ERBB4: variants seen among roughly 807,000 people sequenced by gnomAD.
ERBB4 encodes the protein erb-b2 receptor tyrosine kinase 4.
In ERBB4, 42 loss-of-function variants were observed where a neutral mutation model predicts 158.0. The observed-to-expected ratio is 0.27, with a 90% CI of 0.21 to 0.34. The LOEUF is 0.34. ERBB4 is among the 10% of genes least tolerant of loss of function. ERBB4 has a pLI of 1.00. For synonymous variants in ERBB4, 583 were observed against 558.7 expected (o/e 1.04, Z -0.61); for missense variants, 1,333 against 1,624.1 (o/e 0.82, Z 3.08).
At chr2:212,419,674 T>A (rs1293166080) in intron 1 of ERBB4, among the ~76,000 whole-genome samples, 3 of 151,908 alleles carry the variant, frequency 2.0e-5, no homozygotes, top group African/African-American at 4.8e-5. Context: ...CATTTAATAA[T>A]CATTTTGAGG....
chr2:211,776,219 T>A (rs1242075951), intron 4 of ERBB4, among the ~76,000 whole-genome samples: 1 of 151,988 alleles, frequency 6.6e-6, no homozygotes, highest in Admixed American at 6.6e-5. Flanking sequence ...TTAGATGGAG[T>A]TTTTTACAAC....
intron 1 of ERBB4, among the ~76,000 whole-genome samples, chr2:212,466,976 T>C (rs369029005): frequency 2.0e-5 from 3 of 146,848 alleles, no homozygotes; most frequent in Non-Finnish European, 4.6e-5. Flanking sequence ...GTGACTCTTG[T>C]TATGTTTTAG....
chr2:212,169,182 A>C (rs988341418), intron 1 of ERBB4, among the ~76,000 whole-genome samples: 2 of 152,114 alleles, frequency 1.3e-5, no homozygotes, highest in Non-Finnish European at 2.9e-5. Flanking sequence ...TATTCTATAG[A>C]AATGTTGGTA....
chr2:211,531,624 A>G (rs922164780), intron 20 of ERBB4, among the ~76,000 whole-genome samples: 1 of 152,158 alleles, frequency 6.6e-6, no homozygotes, highest in Non-Finnish European at 1.5e-5. Flanking sequence ...ATCTCACCCC[A>G]GTTAAAATGG....
In ERBB4 at chr2:211,855,791, A is replaced by G. The variant is rs562708020; in HGVS notation, c.422-67632T>C. ...TTCTGTTTGTCCTTGGGCCTTTGCAATCTTTAAGTTTATTTTCCTAGCCAG... is the reference window on the plus strand; with the variant it reads ...TTCTGTTTGTCCTTGGGCCTTTGCAGTCTTTAAGTTTATTTTCCTAGCCAG... On this transcript the variant is annotated intron_variant, in intron 3 of 27. Coordinates refer to ENST00000342788, the MANE Select transcript of ERBB4 (RefSeq NM_005235.3). 2.6e-5 allele frequency among the ~76,000 whole-genome samples: 4 copies of G among 152,254 alleles called. No individual in the cohort carries two copies. In the East Asian group the frequency reaches 5.8e-4, roughly 22 times the overall value.
At chr2:211,789,588 G>A (rs185879213) in intron 3 of ERBB4, among the ~76,000 whole-genome samples, 135 of 152,208 alleles carry the variant, frequency 8.9e-4, no homozygotes, top group African/African-American at 3.2e-3. Flanking sequence ...TATCTCTACC[G>A]CAAGAGAGAT....
intron 20 of ERBB4, among the ~76,000 whole-genome samples, chr2:211,458,547 G>A (rs147755365): frequency 0.017 from 2,517 of 152,184 alleles, 61 homozygotes; most frequent in African/African-American, 0.058. Flanking sequence ...TTACAGGCGC[G>A]ATCCACCACG....
At chr2:212,336,889 TA>T (rs1247945922) in intron 1 of ERBB4, among the ~76,000 whole-genome samples, 1 of 152,022 alleles carries the variant, frequency 6.6e-6, no homozygotes, top group African/African-American at 2.4e-5. Flanking sequence ...TAATAAAATA[TA>T]GATTTTGATT....
intron 20 of ERBB4, among the ~76,000 whole-genome samples, chr2:211,556,340 G>A (rs535839988): frequency 1.3e-5 from 2 of 152,152 alleles, no homozygotes; most frequent in African/African-American, 4.8e-5. Flanking sequence ...ATAATAGCGG[G>A]AAACTTCAAT....
chr2:211,759,643 A>T (rs2075361613), intron 4 of ERBB4, among the ~76,000 whole-genome samples: 1 of 152,126 alleles, frequency 6.6e-6, no homozygotes, highest in Non-Finnish European at 1.5e-5. Flanking sequence ...TCACCTCTCC[A>T]TGACTCCCCT....
At chr2:211,777,072 G>C (rs2075896257) in intron 4 of ERBB4, 1 of 152,076 alleles carries the variant, frequency 6.6e-6, no homozygotes, top group African/African-American at 2.4e-5. Context: ...TGGAGGGAGG[G>C]GAGTTTGCAG....
chr2:212,037,803 T>G (rs2077049908), intron 2 of ERBB4, among the ~76,000 whole-genome samples: 1 of 152,160 alleles, frequency 6.6e-6, no homozygotes, highest in South Asian at 2.1e-4. Flanking sequence ...AGACATTAAA[T>G]AACTGCTTGA....
At chr2:211,744,610 T>C (rs1163145222) in intron 5 of ERBB4, among the ~76,000 whole-genome samples, 1 of 152,184 alleles carries the variant, frequency 6.6e-6, no homozygotes, top group Non-Finnish European at 1.5e-5. Flanking sequence ...TAACAAGTCA[T>C]TCATTTTCAT....
In ERBB4 at chr2:211,419,579, A is replaced by G. The variant is rs576756568; in HGVS notation, c.3135+862T>C. On this transcript the variant is annotated intron_variant, in intron 25 of 27. Transcript: ENST00000342788. The stretch of plus-strand genomic sequence containing the variant: ...AACTGATTACAGACACAAATTTACT[A>G]CTTCTTCATGCTCCGTACTGGTCAG... Among the ~76,000 whole-genome samples the G allele has an allele frequency of 4.2e-3, 643 of 152,142 alleles. 10 individuals carry two copies. The highest frequency in any genetic ancestry group is 0.015 in the African/African-American group (624 of 41,550).
chr2:212,394,119 T>C (rs1439551823), intron 1 of ERBB4, among the ~76,000 whole-genome samples: 2 of 152,154 alleles, frequency 1.3e-5, no homozygotes, highest in Non-Finnish European at 2.9e-5. Context: ...TGAGTCCTTA[T>C]ACATTTTTAA....
intron 1 of ERBB4, among the ~76,000 whole-genome samples, chr2:212,323,923 G>T (rs12694276): frequency 0.12 from 17,364 of 150,294 alleles, 2,177 homozygotes; most frequent in African/African-American, 0.27. Context: ...GTCACTGGTT[G>T]CCCAGTCCGG....
At chr2:212,359,231 TA>T (rs2089588170) in intron 1 of ERBB4, among the ~76,000 whole-genome samples, 1 of 135,494 alleles carries the variant, frequency 7.4e-6, no homozygotes, top group South Asian at 2.3e-4. Context: ...ATGTGATATA[TA>T]AAAGTCAGAA....
intron 1 of ERBB4, among the ~76,000 whole-genome samples, chr2:212,442,675 T>G (rs1023510673): frequency 1.3e-5 from 2 of 152,152 alleles, no homozygotes; most frequent in Non-Finnish European, 2.9e-5. Flanking sequence ...AGTGCCAGAA[T>G]GCATAATTGG....
At chr2:212,266,282 C>T (rs1399419432) in intron 1 of ERBB4, among the ~76,000 whole-genome samples, 2 of 151,608 alleles carry the variant, frequency 1.3e-5, no homozygotes, top group Non-Finnish European at 2.9e-5. Context: ...TAAGATATAA[C>T]CATACCAAAA....
Sources: gnomAD v4.1 joint callset for allele counts (sites outside exome capture counted in the v4.1 genomes callset) on GRCh38, gnomAD v4.1.1 for gene constraint, MANE v1.5 for transcripts, NCBI Gene and HGNC (gene_info 2026-07-23, HGNC 2026-07-21) for gene names.